RALYL: variants seen among roughly 807,000 people sequenced by gnomAD.
RALYL encodes RNA-binding Raly-like protein.
In RALYL, 29 loss-of-function variants were observed where a neutral mutation model predicts 35.1. The ratio of observed to expected loss-of-function variants is 0.83; its 90% confidence interval spans 0.61 to 1.13. The LOEUF (loss-of-function observed/expected upper bound fraction) is 1.13, where lower values mean the gene tolerates loss of function less well. RALYL is among the 50% of genes most tolerant of loss of function. The pLI is 0.00. For synonymous variants in RALYL, 120 were observed against 127.6 expected, an observed-to-expected ratio of 0.94 and a Z score of 0.40; for missense variants, 359 against 360.4, an observed-to-expected ratio of 1.00 and a Z score of 0.03.
chr8:84,716,946 T>C (rs181024056), intron 2 of RALYL, among the ~76,000 whole-genome samples: 2 of 152,196 alleles, frequency 1.3e-5, no homozygotes, highest in Admixed American at 1.3e-4. Flanking sequence ...AGATATGCTT[T>C]GGGAGGCCAA....
intron 1 of RALYL, among the ~76,000 whole-genome samples, chr8:84,218,864 A>G (rs1473576424): frequency 1.3e-5 from 2 of 152,086 alleles, no homozygotes; most frequent in Non-Finnish European, 2.9e-5. Flanking sequence ...GAACAAATGG[A>G]TGGATAATAC....
intron 2 of RALYL, among the ~76,000 whole-genome samples, chr8:84,531,380 A>T (rs2059267402): frequency 6.6e-6 from 1 of 152,138 alleles, no homozygotes; most frequent in African/African-American, 2.4e-5. Flanking sequence ...TTTAACTGCA[A>T]ACAAATCACT....
chr8:84,678,568 A>G (rs974492988), intron 2 of RALYL, among the ~76,000 whole-genome samples: 3 of 152,102 alleles, frequency 2.0e-5, no homozygotes, highest in Admixed American at 1.3e-4. Context: ...TGCCCAGCCA[A>G]GTGTAGCGTT....
intron 2 of RALYL, among the ~76,000 whole-genome samples, chr8:84,757,763 G>A (rs1182768418): frequency 6.6e-6 from 1 of 152,134 alleles, no homozygotes; most frequent in Non-Finnish European, 1.5e-5. Context: ...CAATCTGAAA[G>A]TCAACATAAA....
chr8:84,616,404 G>A (rs1196024875), intron 2 of RALYL, among the ~76,000 whole-genome samples: 1 of 149,964 alleles, frequency 6.7e-6, no homozygotes, highest in African/African-American at 2.5e-5. Flanking sequence ...CTTTTGAGAA[G>A]TGTCTGTTCA....
intron 1 of RALYL, among the ~76,000 whole-genome samples, chr8:84,394,808 A>C (rs1311242079): frequency 1.3e-5 from 2 of 151,962 alleles, no homozygotes. Flanking sequence ...GAAGTTCCAA[A>C]TATTTTTTCC....
At chr8:84,749,712 T>G (rs1809499749) in intron 2 of RALYL, among the ~76,000 whole-genome samples, 1 of 152,176 alleles carries the variant, frequency 6.6e-6, no homozygotes, top group Non-Finnish European at 1.5e-5. Context: ...TACCAATTTG[T>G]CTGAGTCTAG....
intron 1 of RALYL, among the ~76,000 whole-genome samples, chr8:84,449,814 A>T (rs2049256246): frequency 6.6e-6 from 1 of 152,058 alleles, no homozygotes; most frequent in African/African-American, 2.4e-5. Flanking sequence ...ATGAGAAGGC[A>T]CTAAGATGAG....
At chr8:84,619,421 C>G (rs1321362200) in intron 2 of RALYL, among the ~76,000 whole-genome samples, 1 of 148,612 alleles carries the variant, frequency 6.7e-6, no homozygotes, top group East Asian at 2.0e-4. Flanking sequence ...GCAACCCCTG[C>G]CTTTTTTTGT....
intron 1 of RALYL, among the ~76,000 whole-genome samples, chr8:84,293,869 CTT>C (rs1206180772): frequency 5.9e-5 from 9 of 152,096 alleles, no homozygotes. Flanking sequence ...TCTTCTTCCT[CTT>C]GTTTCTCCAC....
chr8:84,834,329 A>C (rs763783416), intron 4 of RALYL, among the ~76,000 whole-genome samples: 2 of 152,194 alleles, frequency 1.3e-5, no homozygotes, highest in Non-Finnish European at 2.9e-5. Flanking sequence ...GGGAAAAATG[A>C]AGTTGAAGAG....
chr8:84,825,004 G>A (rs748719277), intron 4 of RALYL, among the ~76,000 whole-genome samples: 2 of 152,068 alleles, frequency 1.3e-5, no homozygotes, highest in Non-Finnish European at 2.9e-5. Flanking sequence ...GAGAAGTGGG[G>A]CCTAATGAAA....
intron 3 of RALYL, among the ~76,000 whole-genome samples, chr8:84,778,376 CTTA>C (rs557134619): frequency 5.2e-4 from 79 of 152,216 alleles, no homozygotes; most frequent in Non-Finnish European, 1.0e-3. Context: ...TCAATAAGGC[CTTA>C]TTATGTGCTA....
At chr8:84,829,627 AAATC>A (rs1406907188) in intron 4 of RALYL, 2 of 152,316 alleles carry the variant, frequency 1.3e-5, no homozygotes, top group East Asian at 3.9e-4. Flanking sequence ...AAGGCCCAGA[AAATC>A]AATCAAACCA....
chr8:84,403,897 C>G (rs946436288), intron 1 of RALYL, among the ~76,000 whole-genome samples: 3 of 151,992 alleles, frequency 2.0e-5, no homozygotes, highest in Admixed American at 2.0e-4. Context: ...TCCTTTATAT[C>G]CACTGTAAGT....
intron 1 of RALYL, among the ~76,000 whole-genome samples, chr8:84,391,317 C>T (rs1033957346): frequency 6.6e-6 from 1 of 151,946 alleles, no homozygotes; most frequent in Non-Finnish European, 1.5e-5. Context: ...GTTAACTATT[C>T]TCAATATTTA....
At chr8:84,519,910 T>A (rs911514583) in intron 1 of RALYL, among the ~76,000 whole-genome samples, 1 of 152,196 alleles carries the variant, frequency 6.6e-6, no homozygotes, top group African/African-American at 2.4e-5. Context: ...AGTCCCATGG[T>A]CCTCGGCCCT....
At chr8:84,613,857 G>A (rs1456852640) in intron 2 of RALYL, among the ~76,000 whole-genome samples, 1 of 144,716 alleles carries the variant, frequency 6.9e-6, no homozygotes, top group Non-Finnish European at 1.5e-5. Context: ...ATTTTCTTCA[G>A]ATTTATATAT....
chr8:84,279,352 C>G (rs1175419282), intron 1 of RALYL, among the ~76,000 whole-genome samples: 1 of 152,140 alleles, frequency 6.6e-6, no homozygotes, highest in African/African-American at 2.4e-5. Context: ...TCTGTGGTTT[C>G]TGCAGCCAAC....
Sources: allele counts gnomAD v4.1 joint callset (sites outside exome capture counted in the v4.1 genomes callset), GRCh38; gene constraint gnomAD v4.1.1; transcripts MANE v1.5; gene names NCBI Gene and HGNC (gene_info 2026-07-23, HGNC 2026-07-21).